AGAP1: variants seen among roughly 807,000 people sequenced by gnomAD.
AGAP1 encodes arf-GAP with GTPase, ANK repeat and PH domain-containing protein 1.
AGAP1 carries 29 observed loss-of-function variants against 105.3 expected under a neutral mutation model. The ratio of observed to expected loss-of-function variants is 0.28; its 90% confidence interval spans 0.21 to 0.38. The LOEUF is 0.38. Ranked by LOEUF, AGAP1 falls within the 10% of genes least tolerant of loss-of-function variation. The pLI is 1.00. For synonymous variants in AGAP1, 509 were observed against 485.9 expected (o/e 1.05, Z -0.63); for missense variants, 998 against 1,165.1 (o/e 0.86, Z 2.09).
chr2:235,948,543 A>T lies in AGAP1; in HGVS notation c.1483+17620A>T, dbSNP rs1296925503. Among the ~76,000 whole-genome samples the T allele has an allele frequency of 6.6e-5, 10 of 152,208 alleles. No homozygotes were observed. The East Asian group carries it at 1.7e-3, about 26-fold the overall frequency. On this transcript the variant is annotated intron_variant, in intron 12 of 17. Transcript: ENST00000304032. ...TACGAATTTCATAACGAGAACACAA[A>T]TTGAGAGGTGAACATTTGAGAATTT...
At chr2:235,503,719 C>T (rs993356318) in intron 1 of AGAP1, among the ~76,000 whole-genome samples, 4 of 152,140 alleles carry the variant, frequency 2.6e-5, no homozygotes, top group Non-Finnish European at 4.4e-5. Flanking sequence ...CCTCAGCCCC[C>T]GCCAAGTAGC....
intron 6 of AGAP1, among the ~76,000 whole-genome samples, chr2:235,778,972 GA>G (rs1443099065): frequency 2.6e-5 from 4 of 152,202 alleles, no homozygotes; most frequent in Non-Finnish European, 4.4e-5. Flanking sequence ...CCAACCCCAA[GA>G]AGCATATCCT....
At chr2:235,916,370 G>A (rs2051885319) in intron 11 of AGAP1, among the ~76,000 whole-genome samples, 1 of 152,206 alleles carries the variant, frequency 6.6e-6, no homozygotes, top group Admixed American at 6.5e-5. Flanking sequence ...TTGAATTTCA[G>A]GTATAGGTCC....
intron 16 of AGAP1, among the ~76,000 whole-genome samples, chr2:236,094,967 C>T (rs891079980): frequency 1.3e-5 from 2 of 149,090 alleles, no homozygotes; most frequent in Non-Finnish European, 1.5e-5. Flanking sequence ...GGTGCAGCGG[C>T]GCATGCCTGT....
In AGAP1 at chr2:235,817,753, C is replaced by T. The variant is rs150326661; in HGVS notation, c.1050+10422C>T. ...CAAAAAGACAAAAAGTAGCCGGGCA[C>T]GGTGGCGCATGCCTGTAATTCCAAC... On this transcript the variant is annotated intron_variant, in intron 9 of 17. Transcript: ENST00000304032. Among the ~76,000 whole-genome samples, 340 of 152,172 alleles carry T rather than the reference C, an allele frequency of 2.2e-3. 2 individuals are homozygous for T. In the Middle Eastern group the frequency reaches 0.031, roughly 14 times the overall value.
At chr2:236,026,778 A>G (rs1458143596) in intron 13 of AGAP1, among the ~76,000 whole-genome samples, 1 of 152,090 alleles carries the variant, frequency 6.6e-6, no homozygotes, top group Admixed American at 6.5e-5. Flanking sequence ...CTGTTGAGGG[A>G]TTTCTGGGGA....
Position 235,733,339 on chromosome 2 carries a change from C to T in AGAP1, c.311-7624C>T, listed in dbSNP as rs1035014294. Among the ~76,000 whole-genome samples the T allele has an allele frequency of 6.6e-6, 1 of 152,224 alleles. No homozygotes were observed. The highest frequency in any genetic ancestry group is 1.5e-5 in the Non-Finnish European group (1 of 68,042). On this transcript the variant is annotated intron_variant, in intron 3 of 17. Transcript: ENST00000304032. This position sits in a 1 kb window ranked among gnomAD's most constrained non-coding sequence, Gnocchi z 5.0. ...GAGGCCACGGCTGCCCCTTCTGTTT[C>T]TTCCCTGCGCACTTTGGGGTGAAGT...
chr2:235,671,224 G>A (rs1948404313), intron 1 of AGAP1, among the ~76,000 whole-genome samples: 1 of 152,206 alleles, frequency 6.6e-6, no homozygotes, highest in African/African-American at 2.4e-5. Context: ...AGCGGTCCTG[G>A]GTTTTCTGGC....
In AGAP1 at chr2:236,113,088, AC is replaced by A. The variant is rs1169081752; in HGVS notation, c.2115-7103del. Among the ~76,000 whole-genome samples the A allele has an allele frequency of 6.6e-6, 1 of 152,150 alleles. No individual in the cohort carries two copies. The highest frequency in any genetic ancestry group is 1.5e-5 in the Non-Finnish European group (1 of 68,036). ...CTTTTTTCCCACGATTTCCCAAAATACGGCCACCACTCTGCCGTCACGTGTG... is the reference window on the plus strand; with the variant it reads ...CTTTTTTCCCACGATTTCCCAAAATAGGCCACCACTCTGCCGTCACGTGTG... On this transcript the variant is annotated intron_variant, in intron 16 of 17. Transcript: ENST00000304032. The surrounding 1 kb of genome is among the most constrained non-coding windows in gnomAD (Gnocchi z 4.3).
intron 1 of AGAP1, among the ~76,000 whole-genome samples, chr2:235,703,905 G>A (rs896218078): frequency 1.2e-4 from 18 of 152,214 alleles, no homozygotes; most frequent in African/African-American, 4.1e-4. Flanking sequence ...TTGAACTCCT[G>A]ATCTCAGGTG....
chr2:235,948,287 A>T (rs2053584722), intron 12 of AGAP1, among the ~76,000 whole-genome samples: 1 of 152,140 alleles, frequency 6.6e-6, no homozygotes, highest in South Asian at 2.1e-4. Flanking sequence ...GGCTCAAGGG[A>T]TCCTCCCACC....
chr2:235,994,394 A>G lies in AGAP1; in HGVS notation c.1645+25771A>G, dbSNP rs1653871763. On this transcript the variant is annotated intron_variant, in intron 13 of 17. Coordinates refer to ENST00000304032, the MANE Select transcript of AGAP1 (RefSeq NM_001037131.3). The surrounding 1 kb of genome is among the most constrained non-coding windows in gnomAD (Gnocchi z 4.4). The stretch of plus-strand genomic sequence containing the variant: ...AACATAGTTTATAACGCACACCTCA[A>G]AATTCATTTCTTCTCACGTAACAAC... Among the ~76,000 whole-genome samples, 2 of 152,172 alleles carry G rather than the reference A, an allele frequency of 1.3e-5. No individual in the cohort carries two copies. The highest frequency in any genetic ancestry group is 4.8e-5 in the African/African-American group (2 of 41,444).
intron 7 of AGAP1, among the ~76,000 whole-genome samples, chr2:235,798,419 GT>G (rs1363217972): frequency 1.3e-5 from 2 of 152,184 alleles, no homozygotes; most frequent in Non-Finnish European, 2.9e-5. Context: ...AGTTGACTTT[GT>G]TTTTGTCTGT....
rs1221870927 is a variant in AGAP1, at chr2:236,095,486, G to A, written c.2115-24706G>A. On this transcript the variant is annotated intron_variant, in intron 16 of 17. Transcript: ENST00000304032. The surrounding 1 kb of genome is among the most constrained non-coding windows in gnomAD (Gnocchi z 4.1). Reference sequence around the variant, plus strand: ...TTGAGCACAGGAGTTTGAGACCAGCGTGGGCAACATAGTGAGATGCCATCT... The same window carrying A: ...TTGAGCACAGGAGTTTGAGACCAGCATGGGCAACATAGTGAGATGCCATCT... Among the ~76,000 whole-genome samples the A allele has an allele frequency of 2.6e-5, 4 of 152,046 alleles. No individual in the cohort carries two copies. The highest frequency in any genetic ancestry group is 2.1e-4 in the South Asian group (1 of 4,808).
At chr2:235,683,411 A>G (rs1337049758) in intron 1 of AGAP1, among the ~76,000 whole-genome samples, 4 of 151,974 alleles carry the variant, frequency 2.6e-5, no homozygotes, top group Non-Finnish European at 5.9e-5. Context: ...CCTCCCTCAT[A>G]TACACATATT....
rs542428316 is a variant in AGAP1 at position 235,517,944 on chromosome 2, A to AAAAC, written c.163+23098_163+23099insCAAA. Among the ~76,000 whole-genome samples, 1 of 141,730 alleles carries AAAAC rather than the reference A, an allele frequency of 7.1e-6. No individual in the cohort carries two copies. The highest frequency in any genetic ancestry group is 2.6e-5 in the African/African-American group (1 of 38,200). The allele number at this position is 141,730 out of a possible 152,430, so 93.0% of individuals were successfully genotyped here. ...TGAGACTCCGTTTCAAAAAAAAAAA[A>AAAAC]AAAGAAAAAAAAAAGGTAGAACTCA... On this transcript the variant is annotated intron_variant, in intron 1 of 17. Transcript: ENST00000304032. This position sits in a 1 kb window ranked among gnomAD's most constrained non-coding sequence, Gnocchi z 4.1.
In AGAP1 at chr2:235,659,510, T is replaced by G. The variant is rs1309864002; in HGVS notation, c.164-49669T>G. Reference sequence around the variant, plus strand: ...ATCCTTTGGCAGTCAGGGTGCTATATGAACACATGTTTTGTGGGTCACTTG... The same window carrying G: ...ATCCTTTGGCAGTCAGGGTGCTATAGGAACACATGTTTTGTGGGTCACTTG... On this transcript the variant is annotated intron_variant, in intron 1 of 17. Transcript: ENST00000304032. The surrounding 1 kb of genome is among the most constrained non-coding windows in gnomAD (Gnocchi z 5.0). Among the ~76,000 whole-genome samples, 1 of 152,206 alleles carries G rather than the reference T, an allele frequency of 6.6e-6. No individual in the cohort carries two copies. The highest frequency in any genetic ancestry group is 1.9e-4 in the East Asian group (1 of 5,176).
intron 1 of AGAP1, among the ~76,000 whole-genome samples, chr2:235,542,217 CG>C (rs142742528): frequency 4.0e-5 from 6 of 149,172 alleles, no homozygotes; most frequent in Admixed American, 6.7e-5. Context: ...CAGTGGGTCC[CG>C]GGGGGGGGCC....
chr2:235,994,909 A>G lies in AGAP1; in HGVS notation c.1645+26286A>G, dbSNP rs1446542460. On this transcript the variant is annotated intron_variant, in intron 13 of 17. Coordinates refer to ENST00000304032, the MANE Select transcript of AGAP1 (RefSeq NM_001037131.3). This position sits in a 1 kb window ranked among gnomAD's most constrained non-coding sequence, Gnocchi z 4.4. ...GTGAAACCCCATCTGTACTAAAAATACAAAAACATTAGCCAAGCGTGGTGG... is the reference window on the plus strand; with the variant it reads ...GTGAAACCCCATCTGTACTAAAAATGCAAAAACATTAGCCAAGCGTGGTGG... 6.6e-6 allele frequency among the ~76,000 whole-genome samples: 1 copy of G among 151,358 alleles called. No homozygotes were observed. Among genetic ancestry groups the G allele is most frequent in the Admixed American group, 6.6e-5 (1 of 15,208 alleles).
Sources: gnomAD v4.1 joint callset for allele counts (sites outside exome capture counted in the v4.1 genomes callset) on GRCh38, gnomAD v4.1.1 for gene constraint, Gnocchi (gnomAD v3.1) non-coding constraint, MANE v1.5 for transcripts, NCBI Gene and HGNC (gene_info 2026-07-23, HGNC 2026-07-21) for gene names.